KCNK1: variants seen among roughly 807,000 people sequenced by gnomAD.
KCNK1 encodes the protein potassium two pore domain channel subfamily K member 1.
Under a neutral mutation model 22.2 loss-of-function variants are expected in KCNK1, and 10 were observed. The observed-to-expected ratio is 0.45, with a 90% CI of 0.28 to 0.76. KCNK1 has a LOEUF of 0.76. Among genes scored for constraint, KCNK1 ranks in the 30% least tolerant of loss-of-function variants. The probability of loss-of-function intolerance (pLI) is 0.14; values close to 1 mark genes in which losing one functional copy is unlikely to be tolerated. For missense variants in KCNK1, 378 were observed against 421.0 expected (o/e 0.90, Z 0.89); for synonymous variants, 200 against 186.4 (o/e 1.07, Z -0.60).
At chr1:233,616,187 A>G (rs1657485977) in intron 1 of KCNK1, among the ~76,000 whole-genome samples, 1 of 152,170 alleles carries the variant, frequency 6.6e-6, no homozygotes, top group South Asian at 2.1e-4. Flanking sequence ...GGCTACAGAA[A>G]GTTTACAACT....
At chr1:233,615,034 C>T (rs1292367992) in intron 1 of KCNK1, among the ~76,000 whole-genome samples, 2 of 152,250 alleles carry the variant, frequency 1.3e-5, no homozygotes, top group African/African-American at 2.4e-5. Context: ...AAAGGGTCAC[C>T]TTCCGGAGTG....
chr1:233,639,734 G>A (rs1357452002), intron 1 of KCNK1, among the ~76,000 whole-genome samples: 5 of 152,168 alleles, frequency 3.3e-5, no homozygotes, highest in African/African-American at 9.7e-5. Flanking sequence ...TGGTCATCTC[G>A]TGAACGTGGC....
intron 1 of KCNK1, among the ~76,000 whole-genome samples, chr1:233,624,564 G>A (rs1657652187): frequency 6.6e-6 from 1 of 152,180 alleles, no homozygotes; most frequent in African/African-American, 2.4e-5. Context: ...CTCAAAAGGA[G>A]CAACTTAAGG....
intron 1 of KCNK1, among the ~76,000 whole-genome samples, chr1:233,623,850 A>C (rs1657635437): frequency 6.6e-6 from 1 of 152,148 alleles, no homozygotes; most frequent in African/African-American, 2.4e-5. Flanking sequence ...AGCCTCCCAA[A>C]GTGCTGGGAT....
chr1:233,614,867 G>A (rs973002041), intron 1 of KCNK1, among the ~76,000 whole-genome samples: 4 of 152,186 alleles, frequency 2.6e-5, no homozygotes, highest in African/African-American at 9.7e-5. Context: ...CTCCCCTTGA[G>A]TTCTTTTTTC....
Position 233,663,106 on chromosome 1 carries a change from C to T in KCNK1, c.356-3489C>T, listed in dbSNP as rs969965391. ...ATTAAGCCGTCTACTGCAAACGAAG[C>T]GCTGTGTTGTAGTTGGTGCAGAGGG... On this transcript the variant is annotated intron_variant, in intron 1 of 2. Coordinates refer to ENST00000366621, the MANE Select transcript of KCNK1 (RefSeq NM_002245.4). Among the ~76,000 whole-genome samples, 16 of 152,110 alleles carry T rather than the reference C, an allele frequency of 1.1e-4. 1 individual carries two copies. The highest frequency in any genetic ancestry group is 5.2e-4 in the Admixed American group (8 of 15,280).
At chr1:233,628,802 A>G (rs1413410870) in intron 1 of KCNK1, among the ~76,000 whole-genome samples, 1 of 138,584 alleles carries the variant, frequency 7.2e-6, no homozygotes, top group African/African-American at 3.2e-5. Context: ...AGCCCAACCT[A>G]ATGTAGTGAA....
intron 1 of KCNK1, among the ~76,000 whole-genome samples, chr1:233,625,935 G>C (rs1657681365): frequency 6.6e-6 from 1 of 152,084 alleles, no homozygotes; most frequent in Non-Finnish European, 1.5e-5. Context: ...GATGCTGTAG[G>C]ATGTCCTAGG....
intron 2 of KCNK1, among the ~76,000 whole-genome samples, chr1:233,670,588 G>A (rs1190192907): frequency 1.3e-5 from 2 of 152,146 alleles, no homozygotes; most frequent in African/African-American, 4.8e-5. Context: ...GAGAGAATGT[G>A]TGCAGGGGAA....
chr1:233,644,086 G>A (rs1003148592), intron 1 of KCNK1, among the ~76,000 whole-genome samples: 14 of 152,188 alleles, frequency 9.2e-5, no homozygotes, highest in Admixed American at 2.6e-4. Flanking sequence ...AAGTTCTGGA[G>A]GCTGGGAAGT....
chr1:233,644,427 C>T (rs1036427059), intron 1 of KCNK1, among the ~76,000 whole-genome samples: 1 of 152,184 alleles, frequency 6.6e-6, no homozygotes, highest in African/African-American at 2.4e-5. Flanking sequence ...CAATGATAAA[C>T]AAGACAAACA....
intron 1 of KCNK1, among the ~76,000 whole-genome samples, chr1:233,658,510 T>A (rs1658339072): frequency 6.6e-6 from 1 of 152,152 alleles, no homozygotes; most frequent in Non-Finnish European, 1.5e-5. Context: ...GTTCCTTATA[T>A]AAGAGACTGT....
chr1:233,651,488 C>T (rs928908679), intron 1 of KCNK1, among the ~76,000 whole-genome samples: 2 of 152,156 alleles, frequency 1.3e-5, no homozygotes, highest in South Asian at 2.1e-4. Flanking sequence ...TAGATTTATC[C>T]TCTCTGTTAG....
intron 1 of KCNK1, among the ~76,000 whole-genome samples, chr1:233,627,654 C>A (rs975459279): frequency 6.6e-6 from 1 of 152,146 alleles, no homozygotes; most frequent in Non-Finnish European, 1.5e-5. Flanking sequence ...CCGTTTCGCA[C>A]CCCCAGACAG....
chr1:233,628,074 A>G (rs530626937), intron 1 of KCNK1, among the ~76,000 whole-genome samples: 3 of 152,312 alleles, frequency 2.0e-5, no homozygotes, highest in South Asian at 4.1e-4. Context: ...GCAGTGGAGT[A>G]TGTGTGCCCT....
Position 233,668,139 on chromosome 1 carries a change from A to G in KCNK1, c.751+1149A>G, listed in dbSNP as rs75120454. Among the ~76,000 whole-genome samples the G allele has an allele frequency of 4.9e-3, 749 of 152,328 alleles. 11 individuals are homozygous for G. In the East Asian group the frequency reaches 0.052, roughly 11 times the overall value. ...AGCCCTCCTGTCCTTTTCAGCATGC[A>G]CACAGTTGCAGTTATAATGTACCTA... On this transcript the variant is annotated intron_variant, in intron 2 of 2. Coordinates refer to ENST00000366621, the MANE Select transcript of KCNK1 (RefSeq NM_002245.4).
intron 1 of KCNK1, among the ~76,000 whole-genome samples, chr1:233,625,871 G>A (rs1657680296): frequency 6.6e-6 from 1 of 152,160 alleles, no homozygotes; most frequent in Non-Finnish European, 1.5e-5. Context: ...AAGTGACTGT[G>A]GCTGGAGCTG....
chr1:233,657,661 CGAAA>C (rs909457229), intron 1 of KCNK1, among the ~76,000 whole-genome samples: 4 of 140,344 alleles, frequency 2.9e-5, no homozygotes, highest in South Asian at 2.3e-4. Flanking sequence ...AAAGGAAAGA[CGAAA>C]GAAAAGAAAG....
At chr1:233,658,539 C>G (rs1658339586) in intron 1 of KCNK1, among the ~76,000 whole-genome samples, 1 of 152,046 alleles carries the variant, frequency 6.6e-6, no homozygotes, top group African/African-American at 2.4e-5. Flanking sequence ...TCCTAGATGC[C>G]AAGAGAGAAA....
Sources: allele counts gnomAD v4.1 joint callset (sites outside exome capture counted in the v4.1 genomes callset), GRCh38; gene constraint gnomAD v4.1.1; transcripts MANE v1.5; gene names NCBI Gene and HGNC (gene_info 2026-07-23, HGNC 2026-07-21).